Variants in SCOC observed in about 807,000 individuals in gnomAD.
SCOC encodes the protein short coiled coil protein.
Under a neutral mutation model 9.9 loss-of-function variants are expected in SCOC, and 7 were observed. The observed-to-expected ratio is 0.71, with a 90% confidence interval of 0.40 to 1.33. The LOEUF is 1.33. Ranked by LOEUF, SCOC falls within the 40% of genes most tolerant of loss-of-function variation. SCOC has a pLI of 0.01. For synonymous variants in SCOC, 19 were observed against 28.2 expected (o/e 0.67, Z 1.03); for missense variants, 66 against 89.7 (o/e 0.74, Z 1.07).
intron 1 of SCOC, among the ~76,000 whole-genome samples, chr4:140,257,735 C>G (rs1730540239): frequency 6.6e-6 from 1 of 152,178 alleles, no homozygotes. Context: ...CAGCACAGTG[C>G]CTAGTGCATA....
intron 1 of SCOC, among the ~76,000 whole-genome samples, chr4:140,281,102 G>A (rs1245457362): frequency 6.6e-6 from 1 of 152,070 alleles, no homozygotes; most frequent in Admixed American, 6.5e-5. Flanking sequence ...TCTCTCTATA[G>A]GAGAGAGAGT....
At chr4:140,364,543 G>C (rs1215438979) in intron 2 of SCOC, among the ~76,000 whole-genome samples, 1 of 152,158 alleles carries the variant, frequency 6.6e-6, no homozygotes, top group Non-Finnish European at 1.5e-5. Flanking sequence ...GGCAGGAAGG[G>C]ATAGGCTACC....
chr4:140,326,147 G>C (rs1042964843), intron 1 of SCOC, among the ~76,000 whole-genome samples: 4 of 152,138 alleles, frequency 2.6e-5, no homozygotes, highest in African/African-American at 9.7e-5. Context: ...TAGAAAACAG[G>C]TCAGTGGTTC....
intron 1 of SCOC, among the ~76,000 whole-genome samples, chr4:140,332,715 A>G (rs1434797371): frequency 6.6e-6 from 1 of 151,966 alleles, no homozygotes; most frequent in African/African-American, 2.4e-5. Context: ...TACTCTCCAT[A>G]TTGGCAAATG....
chr4:140,279,674 C>T (rs1316873156), intron 1 of SCOC, among the ~76,000 whole-genome samples: 1 of 152,238 alleles, frequency 6.6e-6, no homozygotes, highest in East Asian at 1.9e-4. Context: ...ATCCCATGAA[C>T]TGTGCTGTTC....
At chr4:140,284,061 TGAGA>T (rs1160424290) in intron 1 of SCOC, 3 of 152,050 alleles carry the variant, frequency 2.0e-5, no homozygotes, top group African/African-American at 7.3e-5. Flanking sequence ...GCTGTGTGTG[TGAGA>T]GAGAGCAGGG....
chr4:140,328,227 C>T (rs184908561), intron 1 of SCOC, among the ~76,000 whole-genome samples: 5 of 152,320 alleles, frequency 3.3e-5, no homozygotes, highest in African/African-American at 1.2e-4. Flanking sequence ...TTGCTTTAAA[C>T]CTAACTGGTC....
intron 2 of SCOC, among the ~76,000 whole-genome samples, chr4:140,359,946 G>T (rs901737293): frequency 8.5e-5 from 13 of 152,162 alleles, no homozygotes; most frequent in African/African-American, 2.7e-4. Context: ...TACCAGGCAG[G>T]CAGTGTGCTA....
intron 1 of SCOC, among the ~76,000 whole-genome samples, chr4:140,264,825 A>G (rs1012082543): frequency 6.6e-6 from 1 of 152,192 alleles, no homozygotes; most frequent in Admixed American, 6.5e-5. Context: ...GATCATACCA[A>G]TCAAGAAGAT....
intron 1 of SCOC, among the ~76,000 whole-genome samples, chr4:140,258,842 G>C (rs1578748463): frequency 1.3e-5 from 2 of 152,246 alleles, no homozygotes; most frequent in South Asian, 4.1e-4. Context: ...TCCTTATCAT[G>C]GTTCTCCCAC....
chr4:140,343,153 T>C (rs2126510931), upstream of SCOC, among the ~76,000 whole-genome samples: 1 of 152,314 alleles, frequency 6.6e-6, no homozygotes, highest in South Asian at 2.1e-4. Context: ...TATCCTCATA[T>C]TACAGATAGA....
chr4:140,292,229 C>A (rs562038272), intron 1 of SCOC, among the ~76,000 whole-genome samples: 2 of 150,716 alleles, frequency 1.3e-5, no homozygotes, highest in East Asian at 3.9e-4. Flanking sequence ...TTCTCTGTCA[C>A]CCAGGCTGGA....
intron 2 of SCOC, among the ~76,000 whole-genome samples, chr4:140,363,746 T>C (rs1727670845): frequency 6.6e-6 from 1 of 152,256 alleles, no homozygotes. Flanking sequence ...CATGGGATGC[T>C]AATTATCTCT....
At chr4:140,367,357 T>C (rs1374483288) in intron 2 of SCOC, among the ~76,000 whole-genome samples, 2 of 152,184 alleles carry the variant, frequency 1.3e-5, no homozygotes, top group African/African-American at 2.4e-5. Flanking sequence ...CCCAGACACA[T>C]ATGATTAATC....
At chr4:140,279,558 T>G (rs1417399520) in intron 1 of SCOC, among the ~76,000 whole-genome samples, 2 of 152,058 alleles carry the variant, frequency 1.3e-5, no homozygotes, top group African/African-American at 4.8e-5. Flanking sequence ...AAGAGGAAAA[T>G]TTGAGCTTCG....
chr4:140,361,899 A>G (rs1727487786), intron 2 of SCOC, among the ~76,000 whole-genome samples: 1 of 152,052 alleles, frequency 6.6e-6, no homozygotes, highest in Non-Finnish European at 1.5e-5. Context: ...AAATCTACAA[A>G]CTCTAGAACT....
At chr4:140,314,233 GT>G in intron 1 of SCOC, 1 of 208,268 alleles carries the variant, frequency 4.8e-6, no homozygotes. Context: ...ATCCCTGTCA[GT>G]TTTGAAAACA....
chr4:140,330,489 G>T (rs932244884), intron 1 of SCOC, among the ~76,000 whole-genome samples: 6 of 152,060 alleles, frequency 3.9e-5, no homozygotes, highest in Non-Finnish European at 8.8e-5. Context: ...TAAAATTAAG[G>T]TTCCCATAAT....
chr4:140,278,516 G>T (rs1029554271), intron 1 of SCOC, among the ~76,000 whole-genome samples: 1 of 152,094 alleles, frequency 6.6e-6, no homozygotes, highest in African/African-American at 2.4e-5. Context: ...AGCCAGGATG[G>T]TCTCGATCTC....
Sources: allele counts gnomAD v4.1 joint callset (sites outside exome capture counted in the v4.1 genomes callset), GRCh38; gene constraint gnomAD v4.1.1; transcripts MANE v1.5; gene names NCBI Gene and HGNC (gene_info 2026-07-23, HGNC 2026-07-21).